Variants in MYO5B observed in about 807,000 individuals in gnomAD.
MYO5B encodes unconventional myosin-Vb.
Under a neutral mutation model 229.3 loss-of-function variants are expected in MYO5B, and 143 were observed. The ratio of observed to expected loss-of-function variants is 0.62; its 90% CI spans 0.54 to 0.72. MYO5B has a LOEUF of 0.72. MYO5B is among the 30% of genes least tolerant of loss of function. The probability of loss-of-function intolerance (pLI) is 0.00; values close to 1 mark genes in which losing one functional copy is unlikely to be tolerated. For synonymous variants in MYO5B, 918 were observed against 885.2 expected (o/e 1.04, Z -0.66); for missense variants, 2,321 against 2,331.0 (o/e 1.00, Z 0.09).
chr18:49,879,902 C>T (rs941788407), intron 23 of MYO5B, among the ~76,000 whole-genome samples: 5 of 152,178 alleles, frequency 3.3e-5, no homozygotes, highest in African/African-American at 4.8e-5. Flanking sequence ...AACCATGATG[C>T]GTGGATGGAC....
intron 1 of MYO5B, among the ~76,000 whole-genome samples, chr18:50,135,155 C>T (rs370187953): frequency 5.3e-5 from 8 of 152,202 alleles, no homozygotes; most frequent in Non-Finnish European, 1.0e-4. Flanking sequence ...GTGTTTGTAT[C>T]CTGCCTCATA....
At chr18:50,009,236 G>C (rs1317352752) in intron 4 of MYO5B, among the ~76,000 whole-genome samples, 1 of 152,108 alleles carries the variant, frequency 6.6e-6, no homozygotes, top group Non-Finnish European at 1.5e-5. Flanking sequence ...AAATTAGCTG[G>C]GTGTGGTGGT....
At chr18:49,927,912 A>C (rs570600059) in intron 17 of MYO5B, among the ~76,000 whole-genome samples, 1 of 152,348 alleles carries the variant, frequency 6.6e-6, no homozygotes, top group East Asian at 1.9e-4. Flanking sequence ...AAACTAAAAA[A>C]CTTCTGCACA....
chr18:50,046,746 G>C (rs2030238071), intron 2 of MYO5B, among the ~76,000 whole-genome samples: 1 of 152,076 alleles, frequency 6.6e-6, no homozygotes, highest in African/African-American at 2.4e-5. Context: ...ACAAGATATA[G>C]ACCAATGGAA....
intron 10 of MYO5B, among the ~76,000 whole-genome samples, chr18:49,973,331 G>T (rs528459098): frequency 6.6e-6 from 1 of 152,190 alleles, no homozygotes; most frequent in African/African-American, 2.4e-5. Context: ...CGCATGCCAC[G>T]TGGGGAAGTG....
chr18:50,017,220 T>C (rs1400140639), intron 4 of MYO5B, among the ~76,000 whole-genome samples: 2 of 152,258 alleles, frequency 1.3e-5, no homozygotes, highest in Non-Finnish European at 2.9e-5. Flanking sequence ...TGGGCTCAAG[T>C]GATTCTCCCG....
intron 1 of MYO5B, among the ~76,000 whole-genome samples, chr18:50,070,289 G>T (rs894025835): frequency 1.3e-5 from 2 of 152,042 alleles, no homozygotes; most frequent in African/African-American, 4.8e-5. Context: ...CTCCCAAAGT[G>T]CTGGGACTAC....
intron 1 of MYO5B, among the ~76,000 whole-genome samples, chr18:50,104,167 T>A (rs867807043): frequency 7.6e-6 from 1 of 131,486 alleles, no homozygotes; most frequent in Admixed American, 8.0e-5. Flanking sequence ...ACTTGTCTAT[T>A]AAAAAGAAAA....
chr18:49,942,173 T>C (rs1051521050), intron 14 of MYO5B, among the ~76,000 whole-genome samples: 10 of 151,450 alleles, frequency 6.6e-5, no homozygotes, highest in East Asian at 1.9e-4. Context: ...TTACACCTTA[T>C]ACAAAAATTA....
chr18:49,881,068 T>C (rs141921875), intron 22 of MYO5B, among the ~76,000 whole-genome samples: 1 of 152,206 alleles, frequency 6.6e-6, no homozygotes, highest in Non-Finnish European at 1.5e-5. Context: ...CTCAGGGCCC[T>C]TGTTTACTGG....
intron 1 of MYO5B, among the ~76,000 whole-genome samples, chr18:50,056,586 G>C (rs774658754): frequency 1.3e-5 from 2 of 152,144 alleles, no homozygotes; most frequent in Non-Finnish European, 2.9e-5. Context: ...TTGACCAAAA[G>C]CTCAACCAGA....
intron 15 of MYO5B, 63 bp downstream of exon 15, chr18:49,937,182 C>T (rs1426061190): frequency 1.4e-5 from 22 of 1,591,416 alleles, no homozygotes; most frequent in Non-Finnish European, 1.9e-5. Context: ...CGCCATCCTT[C>T]ATCTACAGAG....
intron 1 of MYO5B, among the ~76,000 whole-genome samples, chr18:50,180,095 G>A (rs1249063227): frequency 6.6e-6 from 1 of 152,132 alleles, no homozygotes; most frequent in Non-Finnish European, 1.5e-5. Flanking sequence ...AAAAGGAAAA[G>A]CATGTTGTAA....
intron 14 of MYO5B, among the ~76,000 whole-genome samples, chr18:49,950,945 T>C (rs1165500631): frequency 6.6e-6 from 1 of 152,212 alleles, no homozygotes; most frequent in Non-Finnish European, 1.5e-5. Context: ...TGTGCCTAAA[T>C]TGTTCATGCA....
intron 1 of MYO5B, among the ~76,000 whole-genome samples, chr18:50,173,120 C>T (rs549076244): frequency 4.6e-5 from 7 of 152,264 alleles, no homozygotes; most frequent in South Asian, 2.1e-4. Context: ...AAAAAATTAG[C>T]TGGGCATGGT....
chr18:49,881,434 C>T (rs2024584075), intron 22 of MYO5B, among the ~76,000 whole-genome samples: 1 of 151,082 alleles, frequency 6.6e-6, no homozygotes, highest in South Asian at 2.1e-4. Flanking sequence ...TGACTATTAC[C>T]AGAAAAAAAA....
intron 2 of MYO5B, among the ~76,000 whole-genome samples, chr18:50,046,396 A>G (rs943963669): frequency 1.3e-5 from 2 of 152,236 alleles, no homozygotes; most frequent in African/African-American, 4.8e-5. Context: ...CAAGTTCTGT[A>G]AGGCCTTGAG....
At chr18:50,051,969 A>G (rs2030405669) in intron 2 of MYO5B, among the ~76,000 whole-genome samples, 1 of 152,202 alleles carries the variant, frequency 6.6e-6, no homozygotes, top group Non-Finnish European at 1.5e-5. Flanking sequence ...CACAATGTAA[A>G]TACCACTGAG....
chr18:49,913,624 A>G (rs1378904509), intron 17 of MYO5B, among the ~76,000 whole-genome samples: 4 of 152,186 alleles, frequency 2.6e-5, no homozygotes, highest in Non-Finnish European at 5.9e-5. Flanking sequence ...GACAGGAGAC[A>G]GGGAAATACT....
Sources: allele counts gnomAD v4.1 joint callset (sites outside exome capture counted in the v4.1 genomes callset), GRCh38; gene constraint gnomAD v4.1.1; transcripts MANE v1.5; gene names NCBI Gene and HGNC (gene_info 2026-07-23, HGNC 2026-07-21).